Variants in PPHLN1 observed in about 807,000 individuals in gnomAD.
PPHLN1 encodes the protein periphilin-1.
A neutral mutation model predicts 51.3 loss-of-function variants in PPHLN1; 29 were observed. That is an observed-to-expected ratio of 0.57 (90% CI 0.42 to 0.77). PPHLN1 has a LOEUF of 0.77. Among genes scored for constraint, PPHLN1 ranks in the 30% least tolerant of loss-of-function variants. The pLI, the probability that PPHLN1 is intolerant of heterozygous loss-of-function variation, is 0.00. For synonymous variants in PPHLN1, 147 were observed against 147.8 expected (o/e 0.99, Z 0.04); for missense variants, 436 against 438.4 (o/e 0.99, Z 0.05).
At chr12:42,355,092 A>G in intron 3 of PPHLN1, 69 bp from the exon 4 acceptor site, 1 of 1,403,182 alleles carries the variant, frequency 7.1e-7, no homozygotes, top group African/African-American at 1.4e-5. Context: ...TTCTGGTAGT[A>G]TTGTTAGATA....
intron 5 of PPHLN1, among the ~76,000 whole-genome samples, chr12:42,381,724 A>G (rs2600921): frequency 0.96 from 146,759 of 152,262 alleles, 70,980 homozygotes; most frequent in Middle Eastern, 1. Flanking sequence ...TCCTAACCAG[A>G]AGTCCCAAAT....
At chr12:42,335,663 A>G (rs559087959) in intron 1 of PPHLN1, among the ~76,000 whole-genome samples, 41 of 151,178 alleles carry the variant, frequency 2.7e-4, no homozygotes, top group African/African-American at 8.5e-4. Context: ...AGTCTTGCCT[A>G]AGAAGGAAGA....
rs755802852 is a variant in PPHLN1 at position 42,441,430 on chromosome 12, G to A, written c.1025G>A (p.Gly342Asp). The change falls in exon 10 of 10, where the codon GGT (glycine) becomes GAT (aspartate). Residue 342 changes from glycine (G) to aspartate (D), a missense_variant. Gly to Asp is a moderately conservative substitution (Grantham distance 94). Transcript: ENST00000358314. ...FALRQNLHEI[G>D]ERCVEELKHF... is the part of the protein sequence containing the mutation. ...TTGAGGCAGAATTTACATGAAATAG[G>A]TGAGCGGTGTGTTGAAGAACTCAAG... 2 of 1,613,550 alleles carry A rather than the reference G, an allele frequency of 1.2e-6. No individual in the cohort carries two copies. Among genetic ancestry groups the A allele is most frequent in the African/African-American group, 2.7e-5 (2 of 74,822 alleles).
At chr12:42,365,203 T>A (rs1430844923) in intron 4 of PPHLN1, among the ~76,000 whole-genome samples, 1 of 152,206 alleles carries the variant, frequency 6.6e-6, no homozygotes, top group Non-Finnish European at 1.5e-5. Flanking sequence ...ATATTTGAGG[T>A]TGTACTTCAC....
rs71084651 is a variant in PPHLN1 at position 42,419,398 on chromosome 12, C to CACCTAGCT, written c.909+20408_909+20409insAGCTACCT. ...CTGGGATTACAGGCACCCACCACCA[C>CACCTAGCT]ACCTTTTATATTTTTAATAGAGACG... is the stretch of plus-strand genomic sequence containing the variant. On this transcript the variant is annotated intron_variant, in intron 9 of 9. Transcript: ENST00000358314. 7.2e-4 allele frequency among the ~76,000 whole-genome samples: 110 copies of CACCTAGCT among 151,978 alleles called. 1 individual carries two copies. The highest frequency in any genetic ancestry group is 7.9e-4 in the Admixed American group (12 of 15,274).
intron 4 of PPHLN1, among the ~76,000 whole-genome samples, chr12:42,358,536 G>A (rs1278488395): frequency 1.3e-5 from 2 of 152,106 alleles, no homozygotes; most frequent in Non-Finnish European, 2.9e-5. Flanking sequence ...GACCACAGGT[G>A]TGTGCCACCA....
intron 2 of PPHLN1, among the ~76,000 whole-genome samples, chr12:42,346,637 G>T (rs2072375113): frequency 6.6e-6 from 1 of 152,116 alleles, no homozygotes; most frequent in Non-Finnish European, 1.5e-5. Flanking sequence ...TCATGTGGTA[G>T]TTTTATTTTT....
chr12:42,354,388 T>G (rs532601883), intron 3 of PPHLN1, among the ~76,000 whole-genome samples: 82 of 152,122 alleles, frequency 5.4e-4, no homozygotes, highest in Non-Finnish European at 7.8e-4. Context: ...CCGGCTAATT[T>G]TTGTAGAGAT....
intron 2 of PPHLN1, among the ~76,000 whole-genome samples, chr12:42,342,258 C>G (rs1367981847): frequency 2.0e-5 from 3 of 152,080 alleles, no homozygotes; most frequent in Non-Finnish European, 2.9e-5. Flanking sequence ...TTCATTCATT[C>G]GTTCATATGT....
intron 9 of PPHLN1, chr12:42,433,154 G>A (rs766645225): frequency 1.9e-5 from 15 of 771,314 alleles, no homozygotes; most frequent in Non-Finnish European, 3.1e-5. Context: ...TATATTCAAT[G>A]ACATAAAATT....
chr12:42,412,065 C>T (rs535893152), intron 9 of PPHLN1, among the ~76,000 whole-genome samples: 18 of 151,952 alleles, frequency 1.2e-4, no homozygotes, highest in African/African-American at 3.4e-4. Context: ...ATTAGCTGGG[C>T]GTGGTGGCAC....
At chr12:42,412,339 T>A (rs920088547) in intron 9 of PPHLN1, among the ~76,000 whole-genome samples, 1 of 152,144 alleles carries the variant, frequency 6.6e-6, no homozygotes, top group Admixed American at 6.5e-5. Flanking sequence ...TGAGAACATA[T>A]GGTATTTGGT....
In PPHLN1 at chr12:42,398,883, C is replaced by T. The variant is rs764797113; in HGVS notation, c.798C>T (p.Asp266=). The T allele has an allele frequency of 1.2e-6, 2 of 1,613,774 alleles. No individual in the cohort carries two copies. The highest frequency in any genetic ancestry group is 2.7e-5 in the African/African-American group (2 of 74,888). Residue 266 remains aspartate (D), a synonymous_variant, in exon 9 of 10, where the codon GAC becomes GAT. Coordinates refer to ENST00000358314, the MANE Select transcript of PPHLN1 (RefSeq NM_201439.2). ...GATCCACAGCACCATTGTTTACTGA[C>T]CAGCCAGAGGAACCTGAGTCAAACA... is the stretch of plus-strand genomic sequence containing the variant. ...EAGSTAPLFT[D]QPEEPESNTT...
chr12:42,412,047 A>T (rs775463289), intron 9 of PPHLN1, among the ~76,000 whole-genome samples: 1 of 152,068 alleles, frequency 6.6e-6, no homozygotes, highest in Non-Finnish European at 1.5e-5. Flanking sequence ...TCTACTAAAA[A>T]TACAAAAATT....
intron 4 of PPHLN1, chr12:42,374,607 AT>A (rs35683626): frequency 0.034 from 5,498 of 160,080 alleles, 45 homozygotes; most frequent in South Asian, 0.066. Context: ...CGCCCAGCTA[AT>A]TTTTTTTTTT....
chr12:42,394,728 A>T (rs962326530), intron 8 of PPHLN1, among the ~76,000 whole-genome samples: 1 of 152,084 alleles, frequency 6.6e-6, no homozygotes, highest in Non-Finnish European at 1.5e-5. Context: ...TAAATGTATC[A>T]AAAACACCAA....
chr12:42,432,021 T>C lies in PPHLN1; in HGVS notation c.910-9294T>C, dbSNP rs1436966921. 2.0e-6 allele frequency: 3 copies of C among 1,526,530 alleles called. No individual in the cohort carries two copies. In the African/African-American group the frequency reaches 4.1e-5, roughly 21 times the overall value. The allele number at this position is 1,526,530 out of a possible 1,614,324, so 94.6% of individuals were successfully genotyped here. ...ATCAAGTACGCTGTATGGATTGCTG[T>C]CTGGATCTTTGGGCACAGAACTGAT... is the stretch of plus-strand genomic sequence containing the variant. On this transcript the variant is annotated intron_variant, in intron 9 of 9. Transcript: ENST00000358314.
At chr12:42,418,568 AG>A (rs1382496971) in intron 9 of PPHLN1, among the ~76,000 whole-genome samples, 1 of 152,042 alleles carries the variant, frequency 6.6e-6, no homozygotes, top group African/African-American at 2.4e-5. Flanking sequence ...CTGCAGTCAT[AG>A]TGGCCTCCTC....
At chr12:42,394,388 G>C (rs193266185) in intron 8 of PPHLN1, among the ~76,000 whole-genome samples, 14 of 152,070 alleles carry the variant, frequency 9.2e-5, no homozygotes, top group Admixed American at 9.2e-4. Context: ...TCCGTCCCGT[G>C]ACAAATTATT....
Sources: allele counts gnomAD v4.1 joint callset (sites outside exome capture counted in the v4.1 genomes callset), GRCh38; gene constraint gnomAD v4.1.1; transcripts MANE v1.5; gene names NCBI Gene and HGNC (gene_info 2026-07-23, HGNC 2026-07-21).